GRIK1: variants seen among roughly 807,000 people sequenced by gnomAD.
The protein encoded by GRIK1 is glutamate receptor ionotropic, kainate 1.
In GRIK1, 69 loss-of-function variants were observed where a neutral mutation model predicts 105.7. That is an observed-to-expected ratio of 0.65 (90% CI 0.54 to 0.80). The LOEUF is 0.80. Among genes scored for constraint, GRIK1 ranks in the 30% least tolerant of loss-of-function variants. The pLI, the probability that GRIK1 is intolerant of heterozygous loss-of-function variation, is 0.00. For synonymous variants in GRIK1, 438 were observed against 431.3 expected, an observed-to-expected ratio of 1.02 and a Z score of -0.19; for missense variants, 1,109 against 1,167.3, an observed-to-expected ratio of 0.95 and a Z score of 0.73.
chr21:29,887,678 C>A (rs1471529559), intron 1 of GRIK1, among the ~76,000 whole-genome samples: 1 of 152,056 alleles, frequency 6.6e-6, no homozygotes, highest in Non-Finnish European at 1.5e-5. Flanking sequence ...CCAGCCTGGA[C>A]CTAAGTTACT....
intron 4 of GRIK1, among the ~76,000 whole-genome samples, chr21:29,667,558 C>G (rs2063084718): frequency 6.6e-6 from 1 of 152,120 alleles, no homozygotes; most frequent in Non-Finnish European, 1.5e-5. Context: ...TTTATGCAGA[C>G]TAATGGCTCA....
Position 29,575,560 on chromosome 21 carries a change from G to A in GRIK1, c.2130+1404C>T, listed in dbSNP as rs60475312. Among the ~76,000 whole-genome samples, 1,362 of 152,240 alleles carry A rather than the reference G, an allele frequency of 8.9e-3. 41 individuals are homozygous for A. The highest frequency in any genetic ancestry group is 0.061 in the Admixed American group (933 of 15,296). On this transcript the variant is annotated intron_variant, in intron 14 of 17. Coordinates refer to ENST00000327783, the MANE Select transcript of GRIK1 (RefSeq NM_001330994.2). ...TAAAAAAAAATACCCCTGGCTGAGC[G>A]TAGTGGCTCACGCTTGCAATTCCAG...
intron 1 of GRIK1, among the ~76,000 whole-genome samples, chr21:29,804,090 C>A (rs1172263836): frequency 6.6e-6 from 1 of 152,106 alleles, no homozygotes; most frequent in Non-Finnish European, 1.5e-5. Flanking sequence ...TTGACCCCAT[C>A]GTTTCAGTTA....
At chr21:29,835,172 G>A (rs2067755213) in intron 1 of GRIK1, among the ~76,000 whole-genome samples, 1 of 152,094 alleles carries the variant, frequency 6.6e-6, no homozygotes, top group East Asian at 1.9e-4. Flanking sequence ...TGTATTTTGT[G>A]TACTTTTGTA....
intron 4 of GRIK1, 52 bp from the exon 5 acceptor site, chr21:29,654,915 T>C (rs1262196555): frequency 1.9e-6 from 2 of 1,066,712 alleles, no homozygotes; most frequent in South Asian, 1.2e-5. Flanking sequence ...ATAATAAGAA[T>C]GGGATAATTT....
At chr21:29,620,800 T>TAG (rs1429064216) in intron 7 of GRIK1, among the ~76,000 whole-genome samples, 1,083 of 107,436 alleles carry the variant, frequency 0.01, 11 homozygotes, top group African/African-American at 0.039. Flanking sequence ...TATCTATATA[T>TAG]ATATAGATAT....
rs556454290 is a variant in GRIK1, at chr21:29,832,089, T to G, written c.118+107294A>C. ...AAAACCCAGCAAGGGAGTGGTTAAA[T>G]CTTAAAGCTCCAAAATAATCTTCTT... On this transcript the variant is annotated intron_variant, in intron 1 of 17. Transcript: ENST00000327783. Among the ~76,000 whole-genome samples, 26 of 152,266 alleles carry G rather than the reference T, an allele frequency of 1.7e-4. 1 individual carries two copies. The South Asian group carries it at 5.2e-3, about 30-fold the overall frequency.
At chr21:29,846,249 C>T (rs1000734733) in intron 1 of GRIK1, among the ~76,000 whole-genome samples, 3 of 110 alleles carry the variant, frequency 0.027, no homozygotes, top group East Asian at 0.33. Context: ...ATTAGCCGGG[C>T]GCGTGGCGCA....
chr21:29,650,959 C>T (rs116408721), intron 6 of GRIK1, among the ~76,000 whole-genome samples, 159 bp downstream of exon 6: 149 of 152,338 alleles, frequency 9.8e-4, no homozygotes, highest in African/African-American at 3.4e-3. Flanking sequence ...TAGCCAGTCA[C>T]AGCCTTTCAA....
chr21:29,785,417 A>G (rs956166008), intron 1 of GRIK1, among the ~76,000 whole-genome samples: 2 of 151,978 alleles, frequency 1.3e-5, no homozygotes, highest in African/African-American at 4.8e-5. Flanking sequence ...ACAAAAAATT[A>G]CCTGATCATG....
chr21:29,722,788 G>A (rs1020075348), intron 1 of GRIK1, among the ~76,000 whole-genome samples: 2 of 152,038 alleles, frequency 1.3e-5, no homozygotes, highest in South Asian at 2.1e-4. Flanking sequence ...TTGCCATTGT[G>A]TTCTTTCCTA....
intron 1 of GRIK1, among the ~76,000 whole-genome samples, chr21:29,784,683 A>T (rs1265603092): frequency 6.6e-6 from 1 of 152,218 alleles, no homozygotes; most frequent in East Asian, 1.9e-4. Flanking sequence ...TTAACTATAG[A>T]CTTACCATTG....
intron 1 of GRIK1, among the ~76,000 whole-genome samples, chr21:29,760,760 C>A (rs748842853): frequency 2.0e-5 from 3 of 152,152 alleles, no homozygotes; most frequent in Admixed American, 1.3e-4. Flanking sequence ...TAGATTGAGT[C>A]ACTTTATACA....
At chr21:29,824,849 C>T (rs997750602) in intron 1 of GRIK1, among the ~76,000 whole-genome samples, 5 of 151,888 alleles carry the variant, frequency 3.3e-5, no homozygotes, top group Non-Finnish European at 5.9e-5. Context: ...CCACTGACTT[C>T]GCTGTGGAGA....
At chr21:29,714,037 A>C (rs2146827638) in intron 1 of GRIK1, among the ~76,000 whole-genome samples, 1 of 152,352 alleles carries the variant, frequency 6.6e-6, no homozygotes, top group South Asian at 2.1e-4. Context: ...TGTATGTTTC[A>C]ATGGGCGAGA....
chr21:29,580,515 A>G (rs1291260156), intron 13 of GRIK1, among the ~76,000 whole-genome samples: 1 of 152,196 alleles, frequency 6.6e-6, no homozygotes, highest in East Asian at 1.9e-4. Context: ...TGAAGATCCA[A>G]AAGATAAATA....
At chr21:29,774,964 T>C (rs2065906355) in intron 1 of GRIK1, among the ~76,000 whole-genome samples, 1 of 152,132 alleles carries the variant, frequency 6.6e-6, no homozygotes, top group Non-Finnish European at 1.5e-5. Flanking sequence ...AAGTAGCTGG[T>C]CCTGCTCCTC....
At chr21:29,839,530 A>C (rs564037305) in intron 1 of GRIK1, among the ~76,000 whole-genome samples, 1 of 152,340 alleles carries the variant, frequency 6.6e-6, no homozygotes, top group South Asian at 2.1e-4. Context: ...AAAAAATATA[A>C]GACAGTTACA....
intron 1 of GRIK1, among the ~76,000 whole-genome samples, chr21:29,725,650 C>G (rs1007333330): frequency 6.6e-6 from 1 of 152,138 alleles, no homozygotes; most frequent in East Asian, 1.9e-4. Context: ...TTCATTTAAA[C>G]GTCCATAAAA....
Sources: allele counts gnomAD v4.1 joint callset (sites outside exome capture counted in the v4.1 genomes callset), GRCh38; gene constraint gnomAD v4.1.1; transcripts MANE v1.5; gene names NCBI Gene and HGNC (gene_info 2026-07-23, HGNC 2026-07-21).